Variants in EXPH5 observed in about 807,000 individuals in gnomAD.
EXPH5 encodes exophilin 5.
In EXPH5, 42 loss-of-function variants were observed where a neutral mutation model predicts 41.1. The ratio of observed to expected loss-of-function variants is 1.02; its 90% CI spans 0.80 to 1.32. The LOEUF (loss-of-function observed/expected upper bound fraction) is 1.32, where lower values mean the gene tolerates loss of function less well. EXPH5 is among the 40% of genes most tolerant of loss of function. The pLI, the probability that EXPH5 is intolerant of heterozygous loss-of-function variation, is 0.00. For synonymous variants in EXPH5, 798 were observed against 833.5 expected (o/e 0.96, Z 0.73); for missense variants, 2,298 against 2,314.5 (o/e 0.99, Z 0.15).
rs2094133936 is a variant in EXPH5 at position 108,593,605 on chromosome 11, T to C, written c.-69A>G. 1.9e-6 allele frequency: 3 copies of C among 1,611,590 alleles called. No homozygotes were observed. Among genetic ancestry groups the C allele is most frequent in the Admixed American group, 1.7e-5 (1 of 59,672 alleles). On this transcript the variant is annotated 5_prime_UTR_variant, in exon 1 of 6. Transcript: ENST00000265843. The stretch of plus-strand genomic sequence containing the variant: ...CCTGTTAGGAAGGCATTTTTCAACC[T>C]GTACAAGACCAGTTTCACGAACTTG...
intron 1 of EXPH5, among the ~76,000 whole-genome samples, chr11:108,559,340 C>T (rs1453089512): frequency 6.6e-6 from 1 of 152,192 alleles, no homozygotes; most frequent in African/African-American, 2.4e-5. Context: ...ACTTGTAGGA[C>T]AAGGGTTAAT....
upstream of EXPH5, among the ~76,000 whole-genome samples, chr11:108,597,707 T>C (rs2094140689): frequency 6.6e-6 from 1 of 152,200 alleles, no homozygotes; most frequent in African/African-American, 2.4e-5. Flanking sequence ...TGTGTAACAT[T>C]GTTCTGGTAG....
chr11:108,603,455 T>C, the EXPH5 span, among the ~76,000 whole-genome samples: 3 of 152,200 alleles, frequency 2.0e-5, no homozygotes, highest in African/African-American at 7.2e-5. Flanking sequence ...AGGAGGAGGA[T>C]TGCTTGAGGC....
chr11:108,605,098 G>T, the EXPH5 span, among the ~76,000 whole-genome samples: 12 of 152,220 alleles, frequency 7.9e-5, no homozygotes, highest in Admixed American at 5.2e-4. Flanking sequence ...AAAAAATTCT[G>T]GGACAAGAGT....
chr11:108,517,487 G>A (rs1212312754), intron 5 of EXPH5, among the ~76,000 whole-genome samples: 6 of 152,232 alleles, frequency 3.9e-5, no homozygotes, highest in African/African-American at 1.4e-4. Context: ...TCCTCAAAGT[G>A]AAGCTGGTGG....
At chr11:108,593,823 T>TCG (rs1223434904), upstream of EXPH5, 6,097 of 1,373,448 alleles carry the variant, frequency 4.4e-3, 36 homozygotes, top group Middle Eastern at 0.014. Context: ...GGGCCCTCCC[T>TCG]TGTCCCCTCC....
At chr11:108,575,457 T>C (rs2094076490) in intron 1 of EXPH5, among the ~76,000 whole-genome samples, 1 of 152,180 alleles carries the variant, frequency 6.6e-6, no homozygotes. Flanking sequence ...CATAAAGGCT[T>C]GCCAGTGTTA....
At chr11:108,590,248 G>A (rs555702184) in intron 1 of EXPH5, among the ~76,000 whole-genome samples, 16 of 152,202 alleles carry the variant, frequency 1.1e-4, no homozygotes, top group African/African-American at 3.6e-4. Context: ...TAAAGGGGCA[G>A]CATGGTATCT....
At chr11:108,515,204 T>C (rs1379313387) in intron 5 of EXPH5, among the ~76,000 whole-genome samples, 1 of 152,208 alleles carries the variant, frequency 6.6e-6, no homozygotes, top group African/African-American at 2.4e-5. Context: ...TGAGTTTTTC[T>C]AAGATATGGA....
chr11:108,568,375 A>G (rs1214694761), intron 1 of EXPH5, among the ~76,000 whole-genome samples: 2 of 152,058 alleles, frequency 1.3e-5, no homozygotes, highest in Non-Finnish European at 2.9e-5. Context: ...CTGAGAACCA[A>G]TCGGTTCCCC....
the EXPH5 span, among the ~76,000 whole-genome samples, chr11:108,606,896 C>A: frequency 0.4 from 60,295 of 151,970 alleles, 12,927 homozygotes; most frequent in Non-Finnish European, 0.48. Context: ...ATTTGTAAAC[C>A]ATTGAGAACA....
At position 108,514,500 on chromosome 11, in the gene EXPH5, T is replaced by C. The variant is rs1375686814; in HGVS notation, c.1007A>G (p.His336Arg). The change falls in exon 6 of 6, where the codon CAT becomes CGT. Residue 336 changes from histidine to arginine, a missense_variant. By Grantham distance (29) the His-to-Arg change is conservative. Transcript: ENST00000265843. ...RQRSALPATG[H>R]FTARSLHFPA... ...AAAATGTAAGCTTCTTGCTGTGAAA[T>C]GCCCTGTGGCTGGTAAGGCCGACCG... The C allele has an allele frequency of 5.6e-6, 9 of 1,612,788 alleles. No homozygotes were observed. The highest frequency in any genetic ancestry group is 6.8e-6 in the Non-Finnish European group (8 of 1,179,446).
chr11:108,518,076 T>G (rs529666721), intron 5 of EXPH5, among the ~76,000 whole-genome samples, 159 bp downstream of exon 5: 1 of 152,244 alleles, frequency 6.6e-6, no homozygotes, highest in Non-Finnish European at 1.5e-5. Context: ...ATACTTGTGT[T>G]AATAACATAT....
rs887937412 is a variant in EXPH5 at position 108,577,615 on chromosome 11, GT to G, written c.119+15802del. Among the ~76,000 whole-genome samples, 4 of 151,928 alleles carry G rather than the reference GT, an allele frequency of 2.6e-5. No homozygotes were observed. The East Asian group carries it at 7.7e-4, about 29-fold the overall frequency. Reference sequence around the variant, plus strand: ...ATTTTGTATTTTTAGTAGAGACAGGGTTTCGCCGTGTTGCCCAGGCTGATCT... The same window carrying G: ...ATTTTGTATTTTTAGTAGAGACAGGGTTCGCCGTGTTGCCCAGGCTGATCT... On this transcript the variant is annotated intron_variant, in intron 1 of 5. Coordinates refer to ENST00000265843, the MANE Select transcript of EXPH5 (RefSeq NM_015065.3).
chr11:108,563,950 G>A (rs2136085083), intron 1 of EXPH5, among the ~76,000 whole-genome samples: 1 of 152,222 alleles, frequency 6.6e-6, no homozygotes, highest in Middle Eastern at 3.4e-3. Context: ...AAAGTCAAGG[G>A]ACTGCCTTTG....
chr11:108,591,781 C>T (rs1279405215), intron 1 of EXPH5, among the ~76,000 whole-genome samples: 2 of 152,140 alleles, frequency 1.3e-5, no homozygotes, highest in Non-Finnish European at 1.5e-5. Flanking sequence ...CTGCAGTGGG[C>T]ATCGTGAGTT....
Position 108,514,140 on chromosome 11 carries a change from G to T in EXPH5, c.1367C>A (p.Thr456Lys). ...ENMPFYHQSNTFTRSFFSNTF... is the reference protein window; with the variant it reads ...ENMPFYHQSNKFTRSFFSNTF... ...ATTGCTGAAGAAAGATCTGGTAAAT[G>T]TGTTGCTTTGATGGTAGAATGGCAT... Residue 456 changes from threonine to lysine, a missense_variant, in exon 6 of 6, where the codon ACA (threonine) becomes AAA (lysine). Transcript: ENST00000265843. 1.9e-6 allele frequency: 3 copies of T among 1,613,944 alleles called. No homozygotes were observed. The highest frequency in any genetic ancestry group is 2.5e-6 in the Non-Finnish European group (3 of 1,179,930).
chr11:108,528,693 C>A lies in EXPH5; in HGVS notation c.444-509G>T, dbSNP rs1255804590. ...CCTCTTTCTTTTCTTTTTTTTCTTT[C>A]CCTTTTTTTTTTTTTTTTTTTTTTT... On this transcript the variant is annotated intron_variant, in intron 3 of 5. Transcript: ENST00000265843. Among the ~76,000 whole-genome samples the A allele has an allele frequency of 5.3e-3, 777 of 145,590 alleles. 5 individuals carry two copies. The highest frequency in any genetic ancestry group is 0.019 in the African/African-American group (739 of 38,980).
At chr11:108,593,804 C>T (rs922491956), upstream of EXPH5, 7 of 1,506,334 alleles carry the variant, frequency 4.6e-6, no homozygotes, top group Non-Finnish European at 5.4e-6. Context: ...AATCCCGTTC[C>T]AAGGGGGCGG....
Sources: gnomAD v4.1 joint callset for allele counts (sites outside exome capture counted in the v4.1 genomes callset) on GRCh38, gnomAD v4.1.1 for gene constraint, MANE v1.5 for transcripts, NCBI Gene and HGNC (gene_info 2026-07-23, HGNC 2026-07-21) for gene names.